Variants in CTNND2 observed in about 807,000 individuals in gnomAD.
The protein encoded by CTNND2 is catenin delta 2, also known as catenin delta-2.
CTNND2 carries 22 observed loss-of-function variants against 144.4 expected under a neutral mutation model. That is an observed-to-expected ratio of 0.15 (90% confidence interval 0.11 to 0.22). The LOEUF (loss-of-function observed/expected upper bound fraction) is 0.22, where lower values mean the gene tolerates loss of function less well. CTNND2 is among the 10% of genes least tolerant of loss of function. The pLI is 1.00. For missense variants in CTNND2, 1,353 were observed against 1,618.8 expected, an observed-to-expected ratio of 0.84 and a Z score of 2.82; for synonymous variants, 751 against 695.6, an observed-to-expected ratio of 1.08 and a Z score of -1.25.
intron 14 of CTNND2, among the ~76,000 whole-genome samples, chr5:11,105,783 G>A (rs918537960): frequency 1.3e-5 from 2 of 152,160 alleles, no homozygotes; most frequent in Non-Finnish European, 1.5e-5. Context: ...CGTGATCTTT[G>A]CAGGCTCATG....
chr5:11,100,028 A>C (rs1018106810), intron 14 of CTNND2, among the ~76,000 whole-genome samples: 6 of 152,212 alleles, frequency 3.9e-5, no homozygotes, highest in Admixed American at 6.5e-5. Flanking sequence ...AAACAAAACC[A>C]TATTTCTGAA....
chr5:10,981,071 A>G (rs1425302238), intron 21 of CTNND2, among the ~76,000 whole-genome samples: 2 of 152,080 alleles, frequency 1.3e-5, no homozygotes. Flanking sequence ...ATAATAATAA[A>G]AAGAATCTAC....
At chr5:11,358,355 T>C (rs1581006181) in intron 8 of CTNND2, among the ~76,000 whole-genome samples, 1 of 152,202 alleles carries the variant, frequency 6.6e-6, no homozygotes, top group East Asian at 1.9e-4. Context: ...TCCACACAGG[T>C]AAGCATCTGA....
intron 9 of CTNND2, among the ~76,000 whole-genome samples, chr5:11,263,883 T>C (rs1245736006): frequency 6.6e-6 from 1 of 152,178 alleles, no homozygotes; most frequent in Non-Finnish European, 1.5e-5. Flanking sequence ...GCGTCCCAGG[T>C]GTGGTGTGAA....
intron 16 of CTNND2, among the ~76,000 whole-genome samples, chr5:11,053,296 T>C (rs948377423): frequency 1.3e-5 from 2 of 152,236 alleles, no homozygotes; most frequent in African/African-American, 4.8e-5. Context: ...CGTGGTGCTA[T>C]GAATGAAACA....
chr5:11,464,402 C>G (rs1424990459), intron 3 of CTNND2, among the ~76,000 whole-genome samples: 1 of 152,018 alleles, frequency 6.6e-6, no homozygotes, highest in African/African-American at 2.4e-5. Context: ...GAAAGGGAGC[C>G]TGCAATGTTC....
intron 1 of CTNND2, among the ~76,000 whole-genome samples, chr5:11,860,653 C>A (rs1469743365): frequency 6.6e-6 from 1 of 152,174 alleles, no homozygotes. Context: ...TACCTTACAA[C>A]AGATATGTAA....
chr5:11,337,309 T>G (rs2149725178), intron 9 of CTNND2, among the ~76,000 whole-genome samples: 1 of 152,252 alleles, frequency 6.6e-6, no homozygotes, highest in East Asian at 1.9e-4. Context: ...TTGTTTTTGG[T>G]TCTCAGCTGA....
At chr5:11,726,311 A>G (rs1787015410) in intron 2 of CTNND2, among the ~76,000 whole-genome samples, 1 of 152,162 alleles carries the variant, frequency 6.6e-6, no homozygotes, top group Non-Finnish European at 1.5e-5. Flanking sequence ...ATATTAAATG[A>G]TATGAAAAAA....
intron 2 of CTNND2, among the ~76,000 whole-genome samples, chr5:11,610,856 C>T (rs990312554): frequency 5.3e-5 from 8 of 152,126 alleles, no homozygotes; most frequent in Admixed American, 2.0e-4. Flanking sequence ...TCAAAGGAAG[C>T]TCTTGTTCAC....
At chr5:11,728,227 C>G (rs1439533326) in intron 2 of CTNND2, among the ~76,000 whole-genome samples, 5 of 151,930 alleles carry the variant, frequency 3.3e-5, no homozygotes, top group Admixed American at 3.3e-4. Flanking sequence ...AATCCCAGCA[C>G]TTTGGGAGGC....
intron 19 of CTNND2, among the ~76,000 whole-genome samples, chr5:10,992,003 G>A (rs948925453): frequency 1.3e-5 from 2 of 152,090 alleles, no homozygotes; most frequent in African/African-American, 2.4e-5. Context: ...CTGAAATCTC[G>A]GCCTCCCGGG....
intron 2 of CTNND2, among the ~76,000 whole-genome samples, chr5:11,573,487 G>A (rs76983449): frequency 0.13 from 19,744 of 152,104 alleles, 2,010 homozygotes; most frequent in East Asian, 0.44. Flanking sequence ...AAGGGGAAGT[G>A]GCACAAATGA....
intron 3 of CTNND2, among the ~76,000 whole-genome samples, chr5:11,494,248 T>C (rs940051296): frequency 1.3e-5 from 2 of 152,174 alleles, no homozygotes; most frequent in South Asian, 2.1e-4. Flanking sequence ...CTCACTCTGA[T>C]GATAGGGTCA....
At chr5:11,646,774 C>G (rs1345571103) in intron 2 of CTNND2, among the ~76,000 whole-genome samples, 1 of 152,210 alleles carries the variant, frequency 6.6e-6, no homozygotes, top group Non-Finnish European at 1.5e-5. Flanking sequence ...CAGGAGCAGG[C>G]CAAATGGCCC....
intron 12 of CTNND2, among the ~76,000 whole-genome samples, chr5:11,156,662 G>A (rs970485574): frequency 5.9e-5 from 9 of 152,068 alleles, no homozygotes; most frequent in African/African-American, 2.2e-4. Flanking sequence ...TTAAAATATA[G>A]TCTTATTTTA....
intron 18 of CTNND2, among the ~76,000 whole-genome samples, chr5:11,013,110 CCTT>C (rs1741260976): frequency 6.6e-6 from 1 of 152,142 alleles, no homozygotes; most frequent in East Asian, 1.9e-4. Context: ...AGAGGTGCCT[CCTT>C]ATACTGGAGC....
At chr5:11,655,172 T>G (rs1454339464) in intron 2 of CTNND2, among the ~76,000 whole-genome samples, 1 of 152,112 alleles carries the variant, frequency 6.6e-6, no homozygotes, top group Non-Finnish European at 1.5e-5. Flanking sequence ...ACTGAACAAT[T>G]TTAAATAGAT....
intron 18 of CTNND2, among the ~76,000 whole-genome samples, chr5:11,017,224 T>C (rs1229584251): frequency 6.6e-6 from 1 of 152,114 alleles, no homozygotes; most frequent in Non-Finnish European, 1.5e-5. Flanking sequence ...ATTGAGCAGA[T>C]TTTGGAAATG....
Sources: gnomAD v4.1 joint callset for allele counts (sites outside exome capture counted in the v4.1 genomes callset) on GRCh38, gnomAD v4.1.1 for gene constraint, MANE v1.5 for transcripts, NCBI Gene and HGNC (gene_info 2026-07-23, HGNC 2026-07-21) for gene names.